The following RDX variants were observed in gnomAD, a reference collection of about 807,000 sequenced individuals.
The protein encoded by RDX is radixin.
In RDX, 32 loss-of-function variants were observed where a neutral mutation model predicts 83.7. The ratio of observed to expected loss-of-function variants is 0.38; its 90% CI spans 0.29 to 0.51. The LOEUF (loss-of-function observed/expected upper bound fraction) is 0.51. Among genes scored for constraint, RDX ranks in the 20% least tolerant of loss-of-function variants. The pLI, the probability that RDX is intolerant of heterozygous loss-of-function variation, is 0.87. For missense variants in RDX, 600 were observed against 689.9 expected (o/e 0.87, Z 1.46); for synonymous variants, 229 against 222.7 (o/e 1.03, Z -0.25).
intron 15 of RDX, among the ~76,000 whole-genome samples, chr11:110,197,971 C>T (rs951002841): frequency 3.3e-5 from 5 of 152,166 alleles, no homozygotes; most frequent in Non-Finnish European, 5.9e-5. Flanking sequence ...GAATCTTGCA[C>T]GACCTTAAAC....
At chr11:110,266,140 C>T (rs1348926838) in intron 3 of RDX, among the ~76,000 whole-genome samples, 5 of 150,460 alleles carry the variant, frequency 3.3e-5, no homozygotes, top group South Asian at 2.1e-4. Context: ...CTGACTAACA[C>T]GGTGAAACTT....
In RDX at chr11:110,236,154, A is replaced by G; in HGVS notation, c.1289T>C (p.Leu430Pro). 3.1e-6 allele frequency: 5 copies of G among 1,612,718 alleles called. No individual in the cohort carries two copies. Among genetic ancestry groups the G allele is most frequent in the Non-Finnish European group, 4.2e-6 (5 of 1,179,908 alleles). ...ELAEFTAKIA[L>P]LEEAKKKKEE... ...CTTTTTCTTCTTGGCTTCCTCTAGA[A>G]GTGCAATCTTGGCAGTGAATTCAGC... is the stretch of plus-strand genomic sequence containing the variant. Residue 430 changes from leucine (L) to proline (P), a missense_variant, in exon 12 of 14, where the codon CTT (leucine) becomes CCT (proline). Physicochemically the swap from Leu to Pro is moderately conservative, Grantham distance 98. Transcript: ENST00000645495.
chr11:110,262,695 C>T (rs937272786), intron 5 of RDX, among the ~76,000 whole-genome samples: 1 of 152,046 alleles, frequency 6.6e-6, no homozygotes, highest in Non-Finnish European at 1.5e-5. Flanking sequence ...AACTGTAAAT[C>T]ATATAGTTCA....
chr11:110,277,811 TAA>T (rs1293867772), intron 2 of RDX, among the ~76,000 whole-genome samples: 1 of 152,212 alleles, frequency 6.6e-6, no homozygotes, highest in Admixed American at 6.5e-5. Context: ...TAATTTTGAT[TAA>T]GTCCAACTTT....
At chr11:110,209,428 GC>G (rs2134252234) in intron 14 of RDX, among the ~76,000 whole-genome samples, 1 of 152,242 alleles carries the variant, frequency 6.6e-6, no homozygotes, top group South Asian at 2.1e-4. Flanking sequence ...GCCCGCCATT[GC>G]CCAGGCTTGA....
chr11:110,242,207 C>T (rs1865125617), intron 10 of RDX, among the ~76,000 whole-genome samples: 1 of 152,084 alleles, frequency 6.6e-6, no homozygotes, highest in Non-Finnish European at 1.5e-5. Flanking sequence ...AATCCCAGCA[C>T]TTTGGGAAGC....
chr11:110,272,626 T>C lies in RDX; in HGVS notation c.13-7A>G, dbSNP rs1316694812. 1 of 1,591,870 alleles carries C rather than the reference T, an allele frequency of 6.3e-7. No individual in the cohort carries two copies. The highest frequency in any genetic ancestry group is 1.3e-5 in the African/African-American group (1 of 74,326). ...TAGTTACTCTTACGTTGATCTGTAA[T>C]AAAAATAAAAGGAATAATAAGTAGA... On this transcript the variant is annotated splice_region_variant and splice_polypyrimidine_tract_variant and intron_variant, in intron 2 of 13. Coordinates refer to ENST00000645495, the MANE Select transcript of RDX (RefSeq NM_002906.4).
At chr11:110,197,416 A>G (rs1291501269) in intron 15 of RDX, among the ~76,000 whole-genome samples, 1 of 152,218 alleles carries the variant, frequency 6.6e-6, no homozygotes, top group East Asian at 1.9e-4. Flanking sequence ...AAGGGTGCCA[A>G]CTATGTGACA....
In RDX at chr11:110,201,903, T is replaced by TTGTGTGTGTG. The variant is rs141731309; in HGVS notation, c.1749-2235_1749-2226dup. ...CACATGCCACCACATCCGGCTAATT[T>TTGTGTGTGTG]TGTGTGTGTGTGTGTGTGTGTGTGT... On this transcript the variant is annotated intron_variant, in intron 14 of 15. Transcript: ENST00000528498. Among the ~76,000 whole-genome samples, 723 of 137,266 alleles carry TTGTGTGTGTG rather than the reference T, an allele frequency of 5.3e-3. 3 individuals carry two copies. Among genetic ancestry groups the TTGTGTGTGTG allele is most frequent in the African/African-American group, 8.3e-3 (310 of 37,552 alleles). The allele number at this position is 137,266 out of a possible 152,430, so 90.1% of individuals were successfully genotyped here.
intron 14 of RDX, among the ~76,000 whole-genome samples, chr11:110,223,520 T>C (rs1315959722): frequency 6.6e-6 from 1 of 150,668 alleles, no homozygotes; most frequent in Non-Finnish European, 1.5e-5. Flanking sequence ...AGAGAAAGAC[T>C]CTGTCTCAAA....
intron 10 of RDX, among the ~76,000 whole-genome samples, chr11:110,242,107 G>C (rs376580172): frequency 2.2e-4 from 34 of 152,172 alleles, no homozygotes; most frequent in African/African-American, 8.2e-4. Context: ...AGTGGTGATG[G>C]CTGCACAACA....
chr11:110,223,218 G>T (rs1864313021), intron 14 of RDX, among the ~76,000 whole-genome samples: 1 of 152,072 alleles, frequency 6.6e-6, no homozygotes, highest in African/African-American at 2.4e-5. Flanking sequence ...CAGGCGTGGT[G>T]GTGGGCGCCT....
At chr11:110,287,563 A>C (rs940188546) in intron 1 of RDX, among the ~76,000 whole-genome samples, 5 of 152,338 alleles carry the variant, frequency 3.3e-5, no homozygotes, top group Middle Eastern at 3.4e-3. Flanking sequence ...TGGCAATAAT[A>C]ATGCACTTTT....
chr11:110,199,475 C>T, intron 15 of RDX: 2 of 662,362 alleles, frequency 3.0e-6, no homozygotes, highest in Non-Finnish European at 5.5e-6. Context: ...TGTGGATGAA[C>T]AGGTTCAGAT....
intron 14 of RDX, among the ~76,000 whole-genome samples, chr11:110,222,720 C>T (rs1451077712): frequency 3.9e-5 from 6 of 152,068 alleles, no homozygotes; most frequent in Non-Finnish European, 7.4e-5. Context: ...GGCGTGAACC[C>T]GGGAGGTGGA....
intron 5 of RDX, among the ~76,000 whole-genome samples, chr11:110,263,072 C>T (rs541478628): frequency 1.3e-5 from 2 of 151,786 alleles, no homozygotes; most frequent in East Asian, 1.9e-4. Context: ...GTCAGGAGTT[C>T]GAGACCAGCC....
At chr11:110,247,064 AGTG>A (rs1474314864) in intron 10 of RDX, among the ~76,000 whole-genome samples, 12 of 152,212 alleles carry the variant, frequency 7.9e-5, no homozygotes, top group Admixed American at 2.0e-4. Context: ...GCTGAGTGAA[AGTG>A]GTATATCCTA....
intron 14 of RDX, among the ~76,000 whole-genome samples, chr11:110,203,696 T>G (rs1863498356): frequency 1.3e-5 from 2 of 152,162 alleles, no homozygotes; most frequent in African/African-American, 4.8e-5. Flanking sequence ...AATAAAATTT[T>G]TAGTAGCATC....
At chr11:110,275,187 T>C (rs150831645) in intron 2 of RDX, among the ~76,000 whole-genome samples, 2 of 152,318 alleles carry the variant, frequency 1.3e-5, no homozygotes, top group African/African-American at 4.8e-5. Context: ...GGCATGTGCA[T>C]ACAGAATTTT....
Sources: allele counts gnomAD v4.1 joint callset (sites outside exome capture counted in the v4.1 genomes callset), GRCh38; gene constraint gnomAD v4.1.1; transcripts MANE v1.5; gene names NCBI Gene and HGNC (gene_info 2026-07-23, HGNC 2026-07-21).